ARHGAP32: variants seen among roughly 807,000 people sequenced by gnomAD.
ARHGAP32 encodes the protein rho GTPase-activating protein 32.
A neutral mutation model predicts 186.5 loss-of-function variants in ARHGAP32; 51 were observed. The ratio of observed to expected loss-of-function variants is 0.27; its 90% CI spans 0.22 to 0.35. The LOEUF (loss-of-function observed/expected upper bound fraction) is 0.35. Among genes scored for constraint, ARHGAP32 ranks in the 10% least tolerant of loss-of-function variants. The pLI is 1.00. For missense variants in ARHGAP32, 2,186 were observed against 2,623.5 expected, an observed-to-expected ratio of 0.83 and a Z score of 3.64; for synonymous variants, 950 against 964.3, an observed-to-expected ratio of 0.99 and a Z score of 0.27.
At position 128,981,642 on chromosome 11, in the gene ARHGAP32, G is replaced by A. The variant is rs1945709746; in HGVS notation, c.1635-81C>T. ...TCTTTTTTTAAACGTGTAAATCTCA[G>A]ACAAACAGAGGAAGAAATCATACTT... is the stretch of plus-strand genomic sequence containing the variant. On this transcript the variant is annotated intron_variant, in intron 16 of 22. Coordinates refer to ENST00000682385, the MANE Select transcript of ARHGAP32 (RefSeq NM_001378024.1). The A allele has an allele frequency of 1.5e-5, 21 of 1,432,500 alleles. No individual in the cohort carries two copies. The South Asian group carries it at 2.8e-4, about 19-fold the overall frequency. 88.7% of individuals were successfully genotyped at this position (1,432,500 alleles called of 1,614,324 possible). A position where few individuals can be genotyped will look rare whatever the true frequency, so the allele number is the denominator to read the frequency against.
intron 10 of ARHGAP32, among the ~76,000 whole-genome samples, chr11:129,058,827 C>G (rs2135121723): frequency 6.6e-6 from 1 of 152,354 alleles, no homozygotes; most frequent in East Asian, 1.9e-4. Context: ...GTCTGATGTA[C>G]AGTTACCATG....
intron 1 of ARHGAP32, chr11:129,203,203 TC>T (rs1944477050): frequency 6.6e-6 from 1 of 152,184 alleles, no homozygotes; most frequent in Admixed American, 6.6e-5. Flanking sequence ...TCTTAGGAAA[TC>T]CCTCTCACTG....
chr11:129,204,146 T>C (rs915527225), intron 1 of ARHGAP32, among the ~76,000 whole-genome samples: 1 of 151,452 alleles, frequency 6.6e-6, no homozygotes, highest in African/African-American at 2.4e-5. Context: ...GCATCAGCTA[T>C]ATTACACATT....
upstream of ARHGAP32, among the ~76,000 whole-genome samples, chr11:129,195,860 T>A (rs187551813): frequency 6.6e-6 from 1 of 152,316 alleles, no homozygotes; most frequent in Non-Finnish European, 1.5e-5. Context: ...GCCGAGTCCA[T>A]CACTCTGGCT....
rs772669357 is a variant in ARHGAP32 at position 128,998,388 on chromosome 11, G to A, written c.1126C>T (p.Arg376Trp). 15 of 1,599,398 alleles carry A rather than the reference G, an allele frequency of 9.4e-6. No homozygotes were observed. Among genetic ancestry groups the A allele is most frequent in the South Asian group, 3.4e-5 (3 of 87,114 alleles). The change falls in exon 12 of 23, where the codon CGG (arginine) becomes TGG (tryptophan). Residue 376 changes from arginine to tryptophan, a missense_variant. Physicochemically the swap from Arg to Trp is moderately radical, Grantham distance 101. This residue lies in a region of ARHGAP32 where 308 missense variants were observed against 596.5 expected (regional missense o/e 0.52). Transcript: ENST00000682385. ...AACACCCTCTCTTTCAAGATTCCCCGCTGCTTCAGCTTCTGTTTTGTTGGA... is the reference window on the plus strand; with the variant it reads ...AACACCCTCTCTTTCAAGATTCCCCACTGCTTCAGCTTCTGTTTTGTTGGA... ...SRPTKQKLKQRGILKERVFGC... is the reference protein window; with the variant it reads ...SRPTKQKLKQWGILKERVFGC...
At chr11:129,229,443 C>T (rs946667130) in intron 1 of ARHGAP32, among the ~76,000 whole-genome samples, 1 of 151,644 alleles carries the variant, frequency 6.6e-6, no homozygotes, top group South Asian at 2.1e-4. Context: ...AACTTTTTCC[C>T]CTAATTAAAC....
At chr11:129,212,408 A>C (rs1384804157) in intron 1 of ARHGAP32, among the ~76,000 whole-genome samples, 1 of 152,122 alleles carries the variant, frequency 6.6e-6, no homozygotes, top group East Asian at 1.9e-4. Flanking sequence ...GCACATACAG[A>C]AAGTTTTATT....
intron 2 of ARHGAP32, among the ~76,000 whole-genome samples, chr11:129,137,090 T>G (rs986764082): frequency 6.6e-6 from 1 of 151,632 alleles, no homozygotes; most frequent in Non-Finnish European, 1.5e-5. Context: ...ATAAAAGGAA[T>G]GAGGAATACT....
intron 1 of ARHGAP32, among the ~76,000 whole-genome samples, chr11:129,176,834 G>C (rs1943926736): frequency 6.6e-6 from 1 of 151,908 alleles, no homozygotes; most frequent in Non-Finnish European, 1.5e-5. Flanking sequence ...AGAGAAAGCA[G>C]GAAAGATCCA....
intron 1 of ARHGAP32, among the ~76,000 whole-genome samples, chr11:129,221,639 A>C (rs536020785): frequency 6.6e-6 from 1 of 151,688 alleles, no homozygotes; most frequent in South Asian, 2.1e-4. Flanking sequence ...GCAATGGTGA[A>C]TACTGAAGAA....
At chr11:129,247,756 G>A (rs1945120826) in intron 1 of ARHGAP32, among the ~76,000 whole-genome samples, 1 of 152,012 alleles carries the variant, frequency 6.6e-6, no homozygotes. Context: ...AGCAAAACAG[G>A]AATAAAATAT....
intron 1 of ARHGAP32, among the ~76,000 whole-genome samples, chr11:129,224,581 A>G (rs1944755063): frequency 6.6e-6 from 1 of 152,034 alleles, no homozygotes. Flanking sequence ...GCAGCTCCAC[A>G]GTCACCATGA....
chr11:128,995,611 G>A (rs1177173231), intron 12 of ARHGAP32, among the ~76,000 whole-genome samples: 1 of 152,220 alleles, frequency 6.6e-6, no homozygotes, highest in East Asian at 1.9e-4. Flanking sequence ...GGCCAAGGTG[G>A]GTGGATTGCT....
At chr11:129,173,914 T>C (rs1447614023) in intron 1 of ARHGAP32, among the ~76,000 whole-genome samples, 1 of 152,002 alleles carries the variant, frequency 6.6e-6, no homozygotes, top group African/African-American at 2.4e-5. Context: ...AGAAAAAATG[T>C]AAAAATTGGA....
chr11:129,247,848 A>G (rs1565479978), intron 1 of ARHGAP32, among the ~76,000 whole-genome samples: 1 of 152,320 alleles, frequency 6.6e-6, no homozygotes, highest in Non-Finnish European at 1.5e-5. Flanking sequence ...TGATCCCTCT[A>G]TGGGTCATAA....
At chr11:129,208,667 CTTT>C (rs60437783) in intron 1 of ARHGAP32, among the ~76,000 whole-genome samples, 2 of 142,832 alleles carry the variant, frequency 1.4e-5, no homozygotes, top group African/African-American at 5.1e-5. Flanking sequence ...ATTTTCTTTT[CTTT>C]TTTTTTTTTT....
Position 128,969,242 on chromosome 11 carries a change from T to C in ARHGAP32, c.5971A>G (p.Ile1991Val), listed in dbSNP as rs34328844. Residue 1991 changes from isoleucine to valine, a missense_variant, in exon 23 of 23, where the codon ATC becomes GTC. Ile to Val is a conservative substitution (Grantham distance 29). Coordinates refer to ENST00000682385, the MANE Select transcript of ARHGAP32 (RefSeq NM_001378024.1). This position sits in a 1 kb window ranked among gnomAD's most constrained non-coding sequence, Gnocchi z 4.8. ...CTCTCTGGTTTAGGGGGTGGGACGA[T>C]TGACTGAGTGAGGTGTTCTTCCTCC... ...YKEEEHLTQSIVPPPKPERSH... is the reference protein window; with the variant it reads ...YKEEEHLTQSVVPPPKPERSH... 8.7e-6 allele frequency: 14 copies of C among 1,614,020 alleles called. No individual in the cohort carries two copies. The highest frequency in any genetic ancestry group is 2.2e-5 in the East Asian group (1 of 44,892).
intron 10 of ARHGAP32, among the ~76,000 whole-genome samples, chr11:129,060,804 T>C (rs530374047): frequency 9.3e-4 from 127 of 136,278 alleles, no homozygotes; most frequent in Admixed American, 2.2e-3. Context: ...TCAACACTTA[T>C]TGATTAAAAA....
chr11:129,036,536 T>C (rs1052729708), intron 11 of ARHGAP32, among the ~76,000 whole-genome samples: 6 of 152,128 alleles, frequency 3.9e-5, no homozygotes, highest in African/African-American at 1.4e-4. Flanking sequence ...CTAATATAAG[T>C]TAAGCTTACA....
Sources: allele counts gnomAD v4.1 joint callset (sites outside exome capture counted in the v4.1 genomes callset), GRCh38; gene constraint gnomAD v4.1.1; regional missense constraint gnomAD v4.1.1; non-coding constraint Gnocchi (gnomAD v3.1); transcripts MANE v1.5; gene names NCBI Gene and HGNC (gene_info 2026-07-23, HGNC 2026-07-21).